Variants in SMOC1 observed in about 807,000 individuals in gnomAD.
The protein encoded by SMOC1 is SPARC-related modular calcium-binding protein 1.
SMOC1 carries 22 observed loss-of-function variants against 56.3 expected under a neutral mutation model. That is an observed-to-expected ratio of 0.39 (90% confidence interval 0.28 to 0.56). The LOEUF is 0.56. Ranked by LOEUF, SMOC1 falls within the 20% of genes least tolerant of loss-of-function variation. The pLI is 0.61. For synonymous variants in SMOC1, 193 were observed against 215.0 expected, an observed-to-expected ratio of 0.90 and a Z score of 0.89; for missense variants, 509 against 565.4, an observed-to-expected ratio of 0.90 and a Z score of 1.01.
intron 10 of SMOC1, among the ~76,000 whole-genome samples, chr14:70,014,684 T>C (rs1885446661): frequency 6.6e-6 from 1 of 152,284 alleles, no homozygotes; most frequent in Non-Finnish European, 1.5e-5. Context: ...ACAAGTGTGG[T>C]AGTGTCTAGG....
intron 7 of SMOC1, among the ~76,000 whole-genome samples, chr14:70,000,328 A>G (rs148828662): frequency 2.0e-5 from 3 of 152,342 alleles, no homozygotes; most frequent in African/African-American, 7.2e-5. Context: ...TTTATTTGCT[A>G]GAACTTGCTC....
intron 2 of SMOC1, 58 bp downstream of exon 2, chr14:69,952,361 C>T (rs1226645340): frequency 1.2e-6 from 2 of 1,602,138 alleles, no homozygotes; most frequent in Non-Finnish European, 1.7e-6. Context: ...CCAGCTCCCT[C>T]ACTATGCATT....
chr14:69,990,372 T>A (rs1181315460), intron 5 of SMOC1, among the ~76,000 whole-genome samples: 6 of 152,238 alleles, frequency 3.9e-5, no homozygotes, highest in African/African-American at 1.4e-4. Context: ...ACATAAGCCA[T>A]ATGCACTTGA....
At chr14:69,951,803 G>A (rs569184239) in intron 1 of SMOC1, among the ~76,000 whole-genome samples, 3 of 152,268 alleles carry the variant, frequency 2.0e-5, no homozygotes, top group South Asian at 2.1e-4. Context: ...TGTGACACTG[G>A]GCAAGTTACG....
At chr14:69,903,292 C>T (rs10873221) in intron 1 of SMOC1, among the ~76,000 whole-genome samples, 44,235 of 151,602 alleles carry the variant, frequency 0.29, 8,010 homozygotes, top group East Asian at 0.56. Context: ...AGGTGAGAAG[C>T]GTCTCTGCCC....
At chr14:69,925,910 C>T (rs1386215457) in intron 1 of SMOC1, among the ~76,000 whole-genome samples, 2 of 152,222 alleles carry the variant, frequency 1.3e-5, no homozygotes, top group African/African-American at 4.8e-5. Flanking sequence ...AAGACAGACA[C>T]ATCTGGAGAA....
intron 1 of SMOC1, among the ~76,000 whole-genome samples, chr14:69,934,125 G>T (rs1885237330): frequency 6.6e-6 from 1 of 152,138 alleles, no homozygotes; most frequent in Non-Finnish European, 1.5e-5. Context: ...AAGGACCAAG[G>T]ACTGGATCCC....
intron 11 of SMOC1, among the ~76,000 whole-genome samples, chr14:70,024,219 G>C (rs1885842914): frequency 6.6e-6 from 1 of 152,156 alleles, no homozygotes; most frequent in Non-Finnish European, 1.5e-5. Context: ...TGAACACCTA[G>C]TAAGCTCTGT....
At position 69,987,026 on chromosome 14, in the gene SMOC1, C is replaced by A. The variant is rs941085932; in HGVS notation, c.527-5391C>A. On this transcript the variant is annotated intron_variant, in intron 5 of 11. Coordinates refer to ENST00000361956, the MANE Select transcript of SMOC1 (RefSeq NM_001034852.3). ...ATCCTCCTCTGGGTCTGATTCAGGGCAGGCTCTTAAGGGACTTTTGCAAAC... is the reference window on the plus strand; with the variant it reads ...ATCCTCCTCTGGGTCTGATTCAGGGAAGGCTCTTAAGGGACTTTTGCAAAC... 3.9e-5 allele frequency among the ~76,000 whole-genome samples: 6 copies of A among 152,308 alleles called. No individual in the cohort carries two copies. In the South Asian group the frequency reaches 8.3e-4, roughly 21 times the overall value.
At chr14:69,934,846 T>C (rs1885256001) in intron 1 of SMOC1, among the ~76,000 whole-genome samples, 1 of 152,238 alleles carries the variant, frequency 6.6e-6, no homozygotes, top group Admixed American at 6.5e-5. Context: ...TCTGATTATA[T>C]GGCCTTGATC....
rs1266100030 is a variant in SMOC1 at position 69,953,465 on chromosome 14, A to T, written c.311A>T (p.Glu104Val). Residue 104 changes from glutamate to valine, a missense_variant, in exon 3 of 12, where the codon GAG (glutamate) becomes GTG (valine). By Grantham distance (121) the Glu-to-Val change is moderately radical. This residue lies in a region of SMOC1 where 315 missense variants were observed against 333.1 expected (regional missense o/e 0.95). Transcript: ENST00000361956. Reference sequence around the variant, plus strand: ...CGCCTGGAGCGGGCTCAAGCCCTGGAGCAAGCCAAGAAGCCTCAGGAAGCT... The same window carrying T: ...CGCCTGGAGCGGGCTCAAGCCCTGGTGCAAGCCAAGAAGCCTCAGGAAGCT... ...KCRLERAQAL[E>V]QAKKPQEAVF... The T allele has an allele frequency of 6.2e-7, 1 of 1,614,228 alleles. No individual in the cohort carries two copies. The highest frequency in any genetic ancestry group is 8.5e-7 in the Non-Finnish European group (1 of 1,180,034).
intron 10 of SMOC1, 114 bp from the exon 11 acceptor site, chr14:70,023,089 G>T: frequency 6.5e-7 from 1 of 1,547,608 alleles, no homozygotes; most frequent in Non-Finnish European, 8.9e-7. Context: ...GTGGACTTTG[G>T]CTTGGAGGAG....
intron 1 of SMOC1, among the ~76,000 whole-genome samples, chr14:69,920,733 G>A (rs1884817705): frequency 6.6e-6 from 1 of 152,172 alleles, no homozygotes; most frequent in African/African-American, 2.4e-5. Flanking sequence ...AGCTACAAAG[G>A]AGATCTGCTT....
At chr14:69,892,190 T>C (rs1883980746) in intron 1 of SMOC1, among the ~76,000 whole-genome samples, 1 of 152,306 alleles carries the variant, frequency 6.6e-6, no homozygotes, top group Non-Finnish European at 1.5e-5. Flanking sequence ...ACTAAGATTA[T>C]AGAAATTAGG....
intron 1 of SMOC1, among the ~76,000 whole-genome samples, chr14:69,908,386 C>G (rs1024734594): frequency 2.6e-5 from 4 of 152,130 alleles, no homozygotes; most frequent in African/African-American, 9.7e-5. Context: ...TGAAAGCTGA[C>G]TATAATATTG....
chr14:69,945,111 G>A (rs1030628792), intron 1 of SMOC1, among the ~76,000 whole-genome samples: 3 of 152,180 alleles, frequency 2.0e-5, no homozygotes, highest in Non-Finnish European at 4.4e-5. Flanking sequence ...GGTAAGGTTT[G>A]ATATTCATTC....
At chr14:69,892,647 C>A (rs779158001) in intron 1 of SMOC1, among the ~76,000 whole-genome samples, 2 of 152,160 alleles carry the variant, frequency 1.3e-5, no homozygotes, top group Non-Finnish European at 2.9e-5. Flanking sequence ...TTTCTTCTAC[C>A]AGTCTCCCTA....
rs1488611634 is a variant in SMOC1, at chr14:69,898,533, C to G, written c.99+18756C>G. On this transcript the variant is annotated intron_variant, in intron 1 of 11. Transcript: ENST00000361956. ...AAGTTTCTATTGCCATATCCTCAAG[C>G]TCAGAGATTCTTTCCTCTGCCATGT... Among the ~76,000 whole-genome samples, 6 of 152,024 alleles carry G rather than the reference C, an allele frequency of 3.9e-5. No homozygotes were observed. In the East Asian group the frequency reaches 1.2e-3, roughly 29 times the overall value.
At chr14:69,954,316 C>G (rs1044025524) in intron 3 of SMOC1, among the ~76,000 whole-genome samples, 1 of 152,148 alleles carries the variant, frequency 6.6e-6, no homozygotes, top group Admixed American at 6.5e-5. Context: ...ATAGCTGGGA[C>G]TGTAGGCACA....
Sources: gnomAD v4.1 joint callset for allele counts (sites outside exome capture counted in the v4.1 genomes callset) on GRCh38, gnomAD v4.1.1 for gene constraint, gnomAD v4.1.1 regional missense constraint, MANE v1.5 for transcripts, NCBI Gene and HGNC (gene_info 2026-07-23, HGNC 2026-07-21) for gene names.